The following RALGPS1 variants were observed in gnomAD, a reference collection of about 807,000 sequenced individuals.
RALGPS1 encodes ras-specific guanine nucleotide-releasing factor RalGPS1.
Under a neutral mutation model 78.8 loss-of-function variants are expected in RALGPS1, and 19 were observed. The observed-to-expected ratio is 0.24, with a 90% CI of 0.17 to 0.35. The LOEUF is 0.35. Ranked by LOEUF, RALGPS1 falls within the 10% of genes least tolerant of loss-of-function variation. The pLI, the probability that RALGPS1 is intolerant of heterozygous loss-of-function variation, is 1.00. For synonymous variants in RALGPS1, 228 were observed against 256.3 expected, an observed-to-expected ratio of 0.89 and a Z score of 1.06; for missense variants, 454 against 688.3, an observed-to-expected ratio of 0.66 and a Z score of 3.81.
chr9:127,166,300 C>T, intron 9 of RALGPS1, 94 bp downstream of exon 9: 1 of 1,416,268 alleles, frequency 7.1e-7, no homozygotes, highest in South Asian at 1.2e-5. Context: ...CAAAGAACTA[C>T]AAAGTTCCTC....
At chr9:126,993,887 C>T (rs2042495127) in intron 4 of RALGPS1, among the ~76,000 whole-genome samples, 1 of 152,198 alleles carries the variant, frequency 6.6e-6, no homozygotes, top group Non-Finnish European at 1.5e-5. Context: ...TGCTGTTCTG[C>T]AGCCACCGCT....
intron 8 of RALGPS1, among the ~76,000 whole-genome samples, chr9:127,111,484 C>T (rs1047196637): frequency 6.6e-6 from 1 of 152,212 alleles, no homozygotes; most frequent in African/African-American, 2.4e-5. Flanking sequence ...TGACAAGACA[C>T]ACCTGCCAAC....
intron 8 of RALGPS1, among the ~76,000 whole-genome samples, chr9:127,148,318 G>A (rs1470184503): frequency 6.6e-6 from 1 of 152,220 alleles, no homozygotes; most frequent in Non-Finnish European, 1.5e-5. Context: ...TGGATGTGGG[G>A]CTCCCATGGA....
chr9:127,041,569 G>C (rs1415366104), intron 5 of RALGPS1, among the ~76,000 whole-genome samples: 1 of 152,196 alleles, frequency 6.6e-6, no homozygotes, highest in Non-Finnish European at 1.5e-5. Flanking sequence ...GCTTTTCTCA[G>C]CTTTATCCAG....
intron 3 of RALGPS1, 28 bp from the exon 4 acceptor site, chr9:126,977,667 T>G: frequency 6.6e-7 from 1 of 1,509,878 alleles, no homozygotes; most frequent in Non-Finnish European, 9.1e-7. Flanking sequence ...GTACAGTATT[T>G]TCTAAAATTG....
Position 127,091,572 on chromosome 9 carries a change from T to G in RALGPS1, c.610+22216T>G, listed in dbSNP as rs1238220687. 6 of 1,500,178 alleles carry G rather than the reference T, an allele frequency of 4.0e-6. No individual in the cohort carries two copies. Among genetic ancestry groups the G allele is most frequent in the Non-Finnish European group, 5.4e-6 (6 of 1,117,412 alleles). 92.9% of individuals were successfully genotyped at this position (1,500,178 alleles called of 1,614,324 possible). On this transcript the variant is annotated intron_variant, in intron 8 of 18. Coordinates refer to ENST00000259351, the MANE Select transcript of RALGPS1 (RefSeq NM_014636.3). The surrounding 1 kb of genome is among the most constrained non-coding windows in gnomAD (Gnocchi z 4.3). ...AGCTTGGCCCAGCTGCTTCTCACCC[T>G]GGGATCTTCCCGTTTCCAAGCCCTG...
intron 8 of RALGPS1, among the ~76,000 whole-genome samples, chr9:127,160,536 A>G (rs1215665471): frequency 6.6e-6 from 1 of 152,184 alleles, no homozygotes; most frequent in Non-Finnish European, 1.5e-5. Flanking sequence ...GAGCCCAAGC[A>G]TGGTCTGGGA....
chr9:127,093,816 T>C (rs2052776830), intron 8 of RALGPS1: 1 of 1,613,886 alleles, frequency 6.2e-7, no homozygotes, highest in Non-Finnish European at 8.5e-7. Context: ...GGGTCGTGTC[T>C]CTGGTCGCAC....
rs1040117718 is a variant in RALGPS1 at position 127,218,161 on chromosome 9, G to T, written c.1645-579G>T. On this transcript the variant is annotated intron_variant, in intron 18 of 18. Transcript: ENST00000259351. The surrounding 1 kb of genome is among the most constrained non-coding windows in gnomAD (Gnocchi z 4.4). ...GGACCTGTTGGCAGCTTTTGGGGGT[G>T]GCAGAAACACTCTGACCTTGGGGCT... 6.6e-6 allele frequency among the ~76,000 whole-genome samples: 1 copy of T among 152,162 alleles called. No homozygotes were observed. Among genetic ancestry groups the T allele is most frequent in the African/African-American group, 2.4e-5 (1 of 41,428 alleles).
At chr9:127,175,837 G>A (rs2059837826) in intron 11 of RALGPS1, among the ~76,000 whole-genome samples, 2 of 152,066 alleles carry the variant, frequency 1.3e-5, no homozygotes, top group East Asian at 1.9e-4. Context: ...AAGCTGCTAC[G>A]TGGTGCCACA....
intron 8 of RALGPS1, among the ~76,000 whole-genome samples, chr9:127,119,066 G>T (rs1447934448): frequency 6.6e-6 from 1 of 152,060 alleles, no homozygotes; most frequent in Admixed American, 6.5e-5. Context: ...CCCCCACTGA[G>T]CTGGGGACAG....
chr9:127,113,672 A>G (rs1410306432), intron 8 of RALGPS1, among the ~76,000 whole-genome samples: 4 of 152,172 alleles, frequency 2.6e-5, no homozygotes, highest in Admixed American at 2.6e-4. Flanking sequence ...GCTTTTCCAC[A>G]TTGTATTGTG....
intron 8 of RALGPS1, among the ~76,000 whole-genome samples, chr9:127,117,599 T>G (rs537270836): frequency 1.4e-4 from 21 of 152,316 alleles, no homozygotes; most frequent in African/African-American, 3.6e-4. Flanking sequence ...GCACCTGACC[T>G]AGCCTCAGAA....
rs371118434 is a variant in RALGPS1, at chr9:126,977,795, G to A, written c.216+50G>A. The A allele has an allele frequency of 4.4e-5, 60 of 1,373,474 alleles. No homozygotes were observed. The African/African-American group carries it at 6.6e-4, about 15-fold the overall frequency. 85.1% of individuals were successfully genotyped at this position (1,373,474 alleles called of 1,614,324 possible). ...TCTATTCATGCTGTGGGTGGGCAGCGAGGATTTAGCCAGCCACTGTTAGAG... is the reference window on the plus strand; with the variant it reads ...TCTATTCATGCTGTGGGTGGGCAGCAAGGATTTAGCCAGCCACTGTTAGAG... On this transcript the variant is annotated intron_variant, in intron 4 of 18. Coordinates refer to ENST00000259351, the MANE Select transcript of RALGPS1 (RefSeq NM_014636.3).
At chr9:126,955,719 G>GC (rs2038279349) in intron 1 of RALGPS1, among the ~76,000 whole-genome samples, 1 of 152,194 alleles carries the variant, frequency 6.6e-6, no homozygotes, top group African/African-American at 2.4e-5. Context: ...ACTGCCAGAA[G>GC]GGTCTAGGAC....
intron 8 of RALGPS1, among the ~76,000 whole-genome samples, chr9:127,095,552 C>T (rs145652072): frequency 1.9e-3 from 284 of 152,326 alleles, no homozygotes; most frequent in Non-Finnish European, 3.0e-3. Context: ...TGCTGGGCAG[C>T]GGAAGCTCAG....
chr9:127,023,822 C>T (rs576043419), intron 4 of RALGPS1, among the ~76,000 whole-genome samples: 10 of 152,188 alleles, frequency 6.6e-5, no homozygotes, highest in East Asian at 5.8e-4. Context: ...GATCATCTGA[C>T]GTCAGGATTT....
At chr9:127,050,004 GGTGTGTAT>G (rs748962177) in intron 5 of RALGPS1, 31 bp from the exon 6 acceptor site, 88 of 1,466,548 alleles carry the variant, frequency 6.0e-5, no homozygotes, top group Non-Finnish European at 7.3e-5. Flanking sequence ...CAACTTTTCT[GGTGTGTAT>G]GTGTGTATGT....
intron 7 of RALGPS1, among the ~76,000 whole-genome samples, chr9:127,056,714 C>T (rs76440178): frequency 0.024 from 3,592 of 152,270 alleles, 47 homozygotes; most frequent in Middle Eastern, 0.048. Flanking sequence ...TCTGCCTCCC[C>T]CTTTTGACTG....
Sources: gnomAD v4.1 joint callset for allele counts (sites outside exome capture counted in the v4.1 genomes callset) on GRCh38, gnomAD v4.1.1 for gene constraint, Gnocchi (gnomAD v3.1) non-coding constraint, MANE v1.5 for transcripts, NCBI Gene and HGNC (gene_info 2026-07-23, HGNC 2026-07-21) for gene names.